The following ZNF43 variants were observed in gnomAD, a reference collection of about 807,000 sequenced individuals.
ZNF43 encodes the protein zinc finger protein 39-like 1 (KOX 27).
Under a neutral mutation model 68.4 loss-of-function variants are expected in ZNF43, and 44 were observed. The observed-to-expected ratio is 0.64, with a 90% CI of 0.51 to 0.83. ZNF43 has a LOEUF of 0.83. Ranked by LOEUF, ZNF43 falls within the 40% of genes least tolerant of loss-of-function variation. The probability of loss-of-function intolerance (pLI) is 0.00; values close to 1 mark genes in which losing one functional copy is unlikely to be tolerated. For synonymous variants in ZNF43, 308 were observed against 307.8 expected, an observed-to-expected ratio of 1.00 and a Z score of -0.01; for missense variants, 896 against 933.2, an observed-to-expected ratio of 0.96 and a Z score of 0.52.
chr19:21,828,962 G>A (rs2038279938), intron 1 of ZNF43, among the ~76,000 whole-genome samples: 1 of 148,632 alleles, frequency 6.7e-6, no homozygotes, highest in East Asian at 2.0e-4. Flanking sequence ...GAACCAGGGA[G>A]GCGGAGATCG....
intron 1 of ZNF43, among the ~76,000 whole-genome samples, chr19:21,834,548 G>A (rs1176637280): frequency 1.3e-5 from 2 of 151,568 alleles, no homozygotes; most frequent in Admixed American, 6.6e-5. Flanking sequence ...CACAAGGTCA[G>A]GAGTTCGAAA....
chr19:21,828,971 C>T (rs12710191), intron 1 of ZNF43, among the ~76,000 whole-genome samples: 24,052 of 134,294 alleles, frequency 0.18, 2,305 homozygotes, highest in Non-Finnish European at 0.22. Flanking sequence ...AGGCGGAGAT[C>T]GCAGTGAGCC....
chr19:21,809,247 C>T lies in ZNF43; in HGVS notation c.790G>A (p.Gly264Ser). 2 of 1,613,470 alleles carry T rather than the reference C, an allele frequency of 1.2e-6. No individual in the cohort carries two copies. The highest frequency in any genetic ancestry group is 1.7e-6 in the Non-Finnish European group (2 of 1,179,818). Residue 264 changes from glycine to serine, a missense_variant, in exon 4 of 4, where the codon GGC (glycine) becomes AGC (serine). Physicochemically the swap from Gly to Ser is moderately conservative, Grantham distance 56. Coordinates refer to ENST00000354959, the MANE Select transcript of ZNF43 (RefSeq NM_003423.4). Reference protein sequence around the residue: ...RYKLYKCEECGKAFNKSSILT... With the variant: ...RYKLYKCEECSKAFNKSSILT... ...ATTGAGGACTTGTTAAAAGCTTTGC[C>T]ACATTCTTCACATTTGTAGAGTTTG...
intron 1 of ZNF43, among the ~76,000 whole-genome samples, chr19:21,834,042 G>GAA (rs201440487): frequency 6.6e-6 from 1 of 150,846 alleles, no homozygotes; most frequent in Non-Finnish European, 1.5e-5. Context: ...CGGGGCGGGG[G>GAA]AAAAAAAAGA....
intron 1 of ZNF43, among the ~76,000 whole-genome samples, chr19:21,834,763 TGGAAAGATGGAA>T (rs2038610406): frequency 7.6e-6 from 1 of 131,706 alleles, no homozygotes. Flanking sequence ...GAAGCAAGGA[TGGAAAGATGGAA>T]GGAAGGAAGG....
chr19:21,845,857 C>T (rs1568393877), intron 1 of ZNF43, among the ~76,000 whole-genome samples: 2 of 150,358 alleles, frequency 1.3e-5, no homozygotes. Context: ...TATGCCATTG[C>T]ACTCCAGCCT....
intron 3 of ZNF43, chr19:21,812,119 A>T: frequency 2.5e-6 from 1 of 396,332 alleles, no homozygotes; most frequent in East Asian, 3.6e-5. Context: ...CATAATATAC[A>T]AACAACTTTT....
At chr19:21,842,824 C>T (rs1322493815) in intron 1 of ZNF43, among the ~76,000 whole-genome samples, 1 of 152,182 alleles carries the variant, frequency 6.6e-6, no homozygotes, top group Admixed American at 6.5e-5. Flanking sequence ...AATGTCCTCT[C>T]TGGACAGGGA....
At chr19:21,819,957 G>A (rs2037716827) in intron 1 of ZNF43, among the ~76,000 whole-genome samples, 1 of 151,888 alleles carries the variant, frequency 6.6e-6, no homozygotes, top group South Asian at 2.1e-4. Context: ...CTAGCACTTT[G>A]GGAGGCTGAG....
intron 1 of ZNF43, among the ~76,000 whole-genome samples, chr19:21,846,326 A>G (rs1042564431): frequency 6.6e-6 from 1 of 152,170 alleles, no homozygotes; most frequent in Non-Finnish European, 1.5e-5. Flanking sequence ...GCCCAGAGTT[A>G]TGTCACAATG....
chr19:21,848,448 A>G (rs1968114423), intron 1 of ZNF43, among the ~76,000 whole-genome samples: 2 of 152,174 alleles, frequency 1.3e-5, no homozygotes, highest in Non-Finnish European at 2.9e-5. Flanking sequence ...GCCCGGCCAT[A>G]TGTGACAATT....
intron 3 of ZNF43, among the ~76,000 whole-genome samples, chr19:21,814,027 T>C (rs113679710): frequency 0.029 from 4,451 of 152,206 alleles, 66 homozygotes; most frequent in Middle Eastern, 0.044. Context: ...CCTCCCAAAA[T>C]CCTGGGATTA....
At chr19:21,826,676 A>C (rs925906742) in intron 1 of ZNF43, 1 of 152,114 alleles carries the variant, frequency 6.6e-6, no homozygotes, top group Non-Finnish European at 1.5e-5. Context: ...TCTATACTAA[A>C]AATAGGTAAA....
At chr19:21,848,612 G>T (rs1968124023) in intron 1 of ZNF43, among the ~76,000 whole-genome samples, 1 of 151,940 alleles carries the variant, frequency 6.6e-6, no homozygotes, top group African/African-American at 2.4e-5. Flanking sequence ...CTAGGTGCTG[G>T]GACCAGTGAT....
At chr19:21,823,267 G>A (rs973492916) in intron 1 of ZNF43, among the ~76,000 whole-genome samples, 1 of 151,982 alleles carries the variant, frequency 6.6e-6, no homozygotes, top group Admixed American at 6.6e-5. Flanking sequence ...TTTTTTAATG[G>A]CCATAAGAAA....
intron 3 of ZNF43, among the ~76,000 whole-genome samples, chr19:21,817,661 G>A (rs1405578088): frequency 6.6e-6 from 1 of 152,164 alleles, no homozygotes; most frequent in Admixed American, 6.5e-5. Context: ...TGGCTGTCAT[G>A]GTAAACTTGA....
intron 1 of ZNF43, chr19:21,827,014 A>C (rs567304888): frequency 2.0e-5 from 3 of 150,364 alleles, no homozygotes; most frequent in East Asian, 3.9e-4. Flanking sequence ...GAAAAAAAAA[A>C]AGAAGTTCAA....
intron 1 of ZNF43, among the ~76,000 whole-genome samples, chr19:21,825,973 C>A (rs559480613): frequency 6.6e-6 from 1 of 152,092 alleles, no homozygotes; most frequent in Non-Finnish European, 1.5e-5. Flanking sequence ...CGCTTAAACC[C>A]GAGAGGCAGA....
In ZNF43 at chr19:21,846,444, C is replaced by T. The variant is rs535083374; in HGVS notation, c.30+5461G>A. Among the ~76,000 whole-genome samples, 28 of 152,278 alleles carry T rather than the reference C, an allele frequency of 1.8e-4. No individual in the cohort carries two copies. The East Asian group carries it at 5.4e-3, about 29-fold the overall frequency. Reference sequence around the variant, plus strand: ...ACAACCCAGGCTCAAAGATATATTACAATCTGACCTATGGACAAAGCCCAG... The same window carrying T: ...ACAACCCAGGCTCAAAGATATATTATAATCTGACCTATGGACAAAGCCCAG... On this transcript the variant is annotated intron_variant, in intron 1 of 3. Coordinates refer to the ZNF43 transcript ENST00000357491.
Sources: gnomAD v4.1 joint callset for allele counts (sites outside exome capture counted in the v4.1 genomes callset) on GRCh38, gnomAD v4.1.1 for gene constraint, MANE v1.5 for transcripts, NCBI Gene and HGNC (gene_info 2026-07-23, HGNC 2026-07-21) for gene names.